The following UNC5A variants were observed in gnomAD, a reference collection of about 807,000 sequenced individuals.
The protein encoded by UNC5A is unc-5 netrin receptor A.
A neutral mutation model predicts 87.4 loss-of-function variants in UNC5A; 20 were observed. That is an observed-to-expected ratio of 0.23 (90% CI 0.16 to 0.33). The LOEUF (loss-of-function observed/expected upper bound fraction) is 0.33. Among genes scored for constraint, UNC5A ranks in the 10% least tolerant of loss-of-function variants. The pLI, the probability that UNC5A is intolerant of heterozygous loss-of-function variation, is 1.00. For missense variants in UNC5A, 844 were observed against 1,133.4 expected (o/e 0.74, Z 3.67); for synonymous variants, 438 against 482.3 (o/e 0.91, Z 1.20).
intron 1 of UNC5A, among the ~76,000 whole-genome samples, chr5:176,858,787 G>GCAGA (rs1490030765): frequency 6.7e-6 from 1 of 148,604 alleles, no homozygotes; most frequent in Non-Finnish European, 1.5e-5. Context: ...AAGCAAGCAG[G>GCAGA]CAGGGAGGGA....
chr5:176,846,199 A>G (rs1418087998), intron 1 of UNC5A, among the ~76,000 whole-genome samples: 1 of 152,208 alleles, frequency 6.6e-6, no homozygotes, highest in Admixed American at 6.5e-5. Flanking sequence ...GGCACTCTCC[A>G]GGAGAGATGG....
rs757028328 is a variant in UNC5A at position 176,877,558 on chromosome 5, C to G, written c.1490C>G (p.Thr497Ser). The G allele has an allele frequency of 3.1e-6, 5 of 1,603,804 alleles. No individual in the cohort carries two copies. The highest frequency in any genetic ancestry group is 3.4e-6 in the Non-Finnish European group (4 of 1,174,372). The change falls in exon 10 of 15, where the codon ACC (threonine) becomes AGC (serine). Residue 497 changes from threonine to serine, a missense_variant. By Grantham distance (58) the Thr-to-Ser change is moderately conservative. Coordinates refer to ENST00000329542, the MANE Select transcript of UNC5A (RefSeq NM_133369.3). Reference protein sequence around the residue: ...DVRLPLAGCQTLLSPIVSCGP... With the variant: ...DVRLPLAGCQSLLSPIVSCGP... The stretch of plus-strand genomic sequence containing the variant: ...AGGTTGCCCCTAGCTGGCTGTCAGA[C>G]CCTGCTGAGTCCCATCGTTAGCTGT...
intron 2 of UNC5A, 59 bp downstream of exon 2, chr5:176,862,904 C>A (rs1757878447): frequency 4.4e-6 from 7 of 1,587,140 alleles, no homozygotes; most frequent in African/African-American, 1.4e-5. Flanking sequence ...TCGGCCCCCC[C>A]AGAGGAGCCT....
At position 176,873,471 on chromosome 5, in the gene UNC5A, T is replaced by C. The variant is rs1410296072; in HGVS notation, c.887-497T>C. Among the ~76,000 whole-genome samples the C allele has an allele frequency of 2.0e-5, 3 of 152,086 alleles. No homozygotes were observed. The East Asian group carries it at 5.8e-4, about 29-fold the overall frequency. On this transcript the variant is annotated intron_variant, in intron 6 of 14. Transcript: ENST00000329542. ...TTCCTCCAAGCAGTCAATCACCCCC[T>C]CCCCAGACCTGCCCCAGGCCTTGGG...
chr5:176,852,604 CTTAT>C (rs1757571200), intron 1 of UNC5A, among the ~76,000 whole-genome samples: 1 of 152,234 alleles, frequency 6.6e-6, no homozygotes, highest in Admixed American at 6.5e-5. Flanking sequence ...TAATCAAATG[CTTAT>C]TTAGACCTCA....
rs1757134015 is a variant in UNC5A at position 176,835,649 on chromosome 5, G to A, written c.70+24829G>A. Among the ~76,000 whole-genome samples, 3 of 152,292 alleles carry A rather than the reference G, an allele frequency of 2.0e-5. No homozygotes were observed. The South Asian group carries it at 6.2e-4, about 32-fold the overall frequency. On this transcript the variant is annotated intron_variant, in intron 1 of 14. Coordinates refer to ENST00000329542, the MANE Select transcript of UNC5A (RefSeq NM_133369.3). ...GTGTGCCAGTGAGGAAGAAGTGTGG[G>A]CGTGGGTGTGAACTCTTGTGCACCT...
intron 1 of UNC5A, among the ~76,000 whole-genome samples, chr5:176,818,706 C>T (rs1365145058): frequency 6.6e-6 from 1 of 152,210 alleles, no homozygotes; most frequent in African/African-American, 2.4e-5. Context: ...CTATTTACTG[C>T]CAGGGCCTCT....
rs1418496770 is a variant in UNC5A, at chr5:176,838,350, A to G, written c.71-24274A>G. On this transcript the variant is annotated intron_variant, in intron 1 of 14. Transcript: ENST00000329542. The surrounding 1 kb of genome is among the most constrained non-coding windows in gnomAD (Gnocchi z 4.2). ...ATAGTAGTTCCCCAACCTGTCATTC[A>G]AGTCCCATGGTAAAATGTTCCTGAT... 6.6e-6 allele frequency among the ~76,000 whole-genome samples: 1 copy of G among 152,200 alleles called. No homozygotes were observed. Among genetic ancestry groups the G allele is most frequent in the Non-Finnish European group, 1.5e-5 (1 of 68,036 alleles).
chr5:176,825,096 C>T (rs1756821599), intron 1 of UNC5A, among the ~76,000 whole-genome samples: 1 of 152,178 alleles, frequency 6.6e-6, no homozygotes, highest in African/African-American at 2.4e-5. Context: ...CAGGTGGAAA[C>T]ATCTAAAAGA....
intron 1 of UNC5A, among the ~76,000 whole-genome samples, chr5:176,821,033 T>C (rs954524362): frequency 2.0e-5 from 3 of 152,186 alleles, no homozygotes; most frequent in Non-Finnish European, 4.4e-5. Context: ...CAAACCAAAC[T>C]TGCTTCCTTA....
Position 176,834,421 on chromosome 5 carries a change from G to T in UNC5A, c.70+23601G>T, listed in dbSNP as rs550957911. On this transcript the variant is annotated intron_variant, in intron 1 of 14. Coordinates refer to ENST00000329542, the MANE Select transcript of UNC5A (RefSeq NM_133369.3). Reference sequence around the variant, plus strand: ...CTTCTGAACTCTAATTTATTCCCCAGGGCCCAGGAGGGGCCATTCATTTAA... The same window carrying T: ...CTTCTGAACTCTAATTTATTCCCCATGGCCCAGGAGGGGCCATTCATTTAA... 2.5e-4 allele frequency among the ~76,000 whole-genome samples: 38 copies of T among 152,324 alleles called. No homozygotes were observed. In the East Asian group the frequency reaches 6.4e-3, roughly 26 times the overall value.
chr5:176,862,039 A>G (rs1371463246), intron 1 of UNC5A, among the ~76,000 whole-genome samples: 1 of 152,246 alleles, frequency 6.6e-6, no homozygotes, highest in Admixed American at 6.5e-5. Context: ...GGAAACCCAC[A>G]TATTCAGGTC....
Position 176,848,348 on chromosome 5 carries a change from T to C in UNC5A, c.71-14276T>C, listed in dbSNP as rs1341850989. On this transcript the variant is annotated intron_variant, in intron 1 of 14. Coordinates refer to ENST00000329542, the MANE Select transcript of UNC5A (RefSeq NM_133369.3). The surrounding 1 kb of genome is among the most constrained non-coding windows in gnomAD (Gnocchi z 5.8). ...AGGGCCCAGACAGGGCAGCGGCTCA[T>C]CTGAGGCTGCATAGTGACACTGAGG... 2.0e-5 allele frequency among the ~76,000 whole-genome samples: 3 copies of C among 152,020 alleles called. No homozygotes were observed. Among genetic ancestry groups the C allele is most frequent in the Non-Finnish European group, 4.4e-5 (3 of 68,020 alleles).
intron 1 of UNC5A, among the ~76,000 whole-genome samples, chr5:176,827,451 G>A (rs1255862138): frequency 2.0e-5 from 3 of 152,146 alleles, no homozygotes; most frequent in African/African-American, 7.2e-5. Context: ...CCAAAGTGCT[G>A]GGATTACAGG....
rs574848165 is a variant in UNC5A at position 176,842,781 on chromosome 5, A to G, written c.71-19843A>G. ...TACTGCTCGGGTGATGGGTGCACCA[A>G]AATCTCACAGATCACCTCTAAAGAA... On this transcript the variant is annotated intron_variant, in intron 1 of 14. Transcript: ENST00000329542. Among the ~76,000 whole-genome samples the G allele has an allele frequency of 2.0e-4, 31 of 152,330 alleles. No homozygotes were observed. The South Asian group carries it at 6.4e-3, about 32-fold the overall frequency.
intron 6 of UNC5A, 62 bp from the exon 7 acceptor site, chr5:176,873,906 T>C: frequency 5.8e-6 from 9 of 1,558,310 alleles, no homozygotes; most frequent in Non-Finnish European, 7.8e-6. Flanking sequence ...TGCAGACCAC[T>C]GACCTCTCCT....
At chr5:176,851,423 C>T (rs1453003325) in intron 1 of UNC5A, among the ~76,000 whole-genome samples, 1 of 152,246 alleles carries the variant, frequency 6.6e-6, no homozygotes, top group Non-Finnish European at 1.5e-5. Flanking sequence ...ACTCCTGGAC[C>T]ACCCCGGCCC....
In UNC5A at chr5:176,878,296, G is replaced by A. The variant is rs377319758; in HGVS notation, c.1922G>A (p.Arg641Gln). 4.4e-4 allele frequency: 710 copies of A among 1,613,050 alleles called. No individual in the cohort carries two copies. Among genetic ancestry groups the A allele is most frequent in the Non-Finnish European group, 5.9e-4 (695 of 1,180,014 alleles). The change falls in exon 12 of 15, where the codon CGG (arginine) becomes CAG (glutamine). Residue 641 changes from arginine (R) to glutamine (Q), a missense_variant. Coordinates refer to ENST00000329542, the MANE Select transcript of UNC5A (RefSeq NM_133369.3). The part of the protein sequence containing the change: ...QLGGQLIQEP[R>Q]VLHFKDSYHN... The stretch of plus-strand genomic sequence containing the variant: ...GGGGGACAGCTGATCCAGGAGCCAC[G>A]GGTCCTGCACTTCAAGGACAGTTAC...
At chr5:176,858,095 G>A (rs1188521745) in intron 1 of UNC5A, among the ~76,000 whole-genome samples, 3 of 152,332 alleles carry the variant, frequency 2.0e-5, no homozygotes, top group South Asian at 2.1e-4. Context: ...ACCCCACCCC[G>A]AGGCCCCAGT....
Sources: allele counts gnomAD v4.1 joint callset (sites outside exome capture counted in the v4.1 genomes callset), GRCh38; gene constraint gnomAD v4.1.1; non-coding constraint Gnocchi (gnomAD v3.1); transcripts MANE v1.5; gene names NCBI Gene and HGNC (gene_info 2026-07-23, HGNC 2026-07-21).